GNG4: variants seen among roughly 807,000 people sequenced by gnomAD.
GNG4 encodes the protein G protein subunit gamma 4, also known as guanine nucleotide-binding protein G(I)/G(S)/G(O) subunit gamma-4.
GNG4 carries 4 observed loss-of-function variants against 5.8 expected under a neutral mutation model. That is an observed-to-expected ratio of 0.69 (90% CI 0.34 to 1.57). The LOEUF (loss-of-function observed/expected upper bound fraction) is 1.57, where lower values mean the gene tolerates loss of function less well. GNG4 is among the 40% of genes most tolerant of loss of function. The probability of loss-of-function intolerance (pLI) is 0.06; values close to 1 mark genes in which losing one functional copy is unlikely to be tolerated. For missense variants in GNG4, 96 were observed against 95.1 expected (o/e 1.01, Z -0.04); for synonymous variants, 29 against 32.9 (o/e 0.88, Z 0.41).
In GNG4 at chr1:235,588,308, G is replaced by A. The variant is rs145498666; in HGVS notation, c.-10-4460C>T. Reference sequence around the variant, plus strand: ...CCTCCCTCTCAGGCCCTCCATGTGCGTCCACTCTCCAGCCCATGTCTGCCA... The same window carrying A: ...CCTCCCTCTCAGGCCCTCCATGTGCATCCACTCTCCAGCCCATGTCTGCCA... On this transcript the variant is annotated intron_variant, in intron 2 of 3. Coordinates refer to ENST00000391854, the MANE Select transcript of GNG4 (RefSeq NM_001098722.2). Among the ~76,000 whole-genome samples, 166 of 152,048 alleles carry A rather than the reference G, an allele frequency of 1.1e-3. No individual in the cohort carries two copies. In the East Asian group the frequency reaches 0.013, roughly 12 times the overall value.
intron 3 of GNG4, among the ~76,000 whole-genome samples, chr1:235,572,676 G>A (rs533306266): frequency 6.7e-5 from 10 of 148,962 alleles, no homozygotes; most frequent in East Asian, 4.0e-4. Context: ...ATTTTTGTAC[G>A]TTTAGTAGAG....
intron 3 of GNG4, among the ~76,000 whole-genome samples, chr1:235,563,034 T>C (rs1280752658): frequency 2.6e-5 from 4 of 152,246 alleles, no homozygotes; most frequent in Non-Finnish European, 5.9e-5. Flanking sequence ...GTATTTGGTA[T>C]TGTTTCTGCT....
Position 235,648,059 on chromosome 1 carries a change from A to T in GNG4, c.-123+1603T>A, listed in dbSNP as rs1302575992. On this transcript the variant is annotated intron_variant, in intron 1 of 3. Transcript: ENST00000391854. This position sits in a 1 kb window ranked among gnomAD's most constrained non-coding sequence, Gnocchi z 5.0. ...TCTGGTTTCTCCACCATCAGTTTGC[A>T]TGAGAAACGCCAATCATAGGACTGC... 1.3e-5 allele frequency among the ~76,000 whole-genome samples: 2 copies of T among 151,828 alleles called. No individual in the cohort carries two copies. The highest frequency in any genetic ancestry group is 2.9e-5 in the Non-Finnish European group (2 of 68,002).
chr1:235,559,594 G>C (rs1408354417), intron 3 of GNG4, among the ~76,000 whole-genome samples: 1 of 152,208 alleles, frequency 6.6e-6, no homozygotes, highest in African/African-American at 2.4e-5. Context: ...TGGCCTGTGT[G>C]GGGAGAGGCT....
Position 235,642,453 on chromosome 1 carries a change from C to T in GNG4, c.-123+7209G>A, listed in dbSNP as rs1206924040. On this transcript the variant is annotated intron_variant, in intron 1 of 3. Transcript: ENST00000391854. The surrounding 1 kb of genome is among the most constrained non-coding windows in gnomAD (Gnocchi z 4.3). ...GCCTGCAGCAAGAGACGGGTGCTAA[C>T]AGCGTCCGAGCCAATCCGTAAGCAT... Among the ~76,000 whole-genome samples, 1 of 152,214 alleles carries T rather than the reference C, an allele frequency of 6.6e-6. No homozygotes were observed. Among genetic ancestry groups the T allele is most frequent in the Non-Finnish European group, 1.5e-5 (1 of 68,046 alleles).
intron 3 of GNG4, chr1:235,566,277 C>T (rs1448552865): frequency 1.9e-5 from 3 of 156,682 alleles, no homozygotes; most frequent in Non-Finnish European, 4.2e-5. Context: ...GGCTGCACAG[C>T]AGGAGGTGAG....
chr1:235,556,168 G>T (rs996584623), intron 3 of GNG4, among the ~76,000 whole-genome samples: 35 of 152,020 alleles, frequency 2.3e-4, no homozygotes, highest in Admixed American at 7.2e-4. Flanking sequence ...AGTCTGGCAA[G>T]CAATTTTCAA....
intron 1 of GNG4, among the ~76,000 whole-genome samples, chr1:235,597,622 G>A (rs1441486557): frequency 2.2e-4 from 20 of 91,182 alleles, no homozygotes; most frequent in South Asian, 1.2e-3. Flanking sequence ...GTGTGTGTGT[G>A]TGTGTGTATT....
At chr1:235,581,480 G>T (rs1278800670) in intron 3 of GNG4, among the ~76,000 whole-genome samples, 1 of 149,452 alleles carries the variant, frequency 6.7e-6, no homozygotes, top group Non-Finnish European at 1.5e-5. Context: ...AGTGAGCCGA[G>T]ATCACACCTG....
rs1237779788 is a variant in GNG4 at position 235,547,891 on chromosome 1, C to G, written c.*4218G>C. 6.6e-6 allele frequency: 1 copy of G among 152,176 alleles called. No homozygotes were observed. The highest frequency in any genetic ancestry group is 1.5e-5 in the Non-Finnish European group (1 of 68,048). 9.4% of individuals were successfully genotyped at this position (152,176 alleles called of 1,614,324 possible). On this transcript the variant is annotated 3_prime_UTR_variant, in exon 4 of 4. Transcript: ENST00000391854. ...TCTTAGGACTGATCTCTACTTGCAA[C>G]CGCATGGATGAATTTTGCTGGGTTT...
intron 3 of GNG4, among the ~76,000 whole-genome samples, chr1:235,573,895 GA>G (rs1402354379): frequency 1.3e-5 from 2 of 152,114 alleles, no homozygotes; most frequent in African/African-American, 4.8e-5. Context: ...GACATTTTAG[GA>G]GAATATTTCC....
rs1253043509 is a variant in GNG4, at chr1:235,548,811, A to C, written c.*3298T>G. ...GCACTCCACAATGCAAGCAGGCTTT[A>C]TTCCATTCATCTTCCACTGACAGAG... On this transcript the variant is annotated 3_prime_UTR_variant, in exon 4 of 4. Coordinates refer to ENST00000391854, the MANE Select transcript of GNG4 (RefSeq NM_001098722.2). 1 of 152,236 alleles carries C rather than the reference A, an allele frequency of 6.6e-6. No homozygotes were observed. The highest frequency in any genetic ancestry group is 1.5e-5 in the Non-Finnish European group (1 of 68,060). The allele number at this position is 152,236 out of a possible 1,614,324, so 9.4% of individuals were successfully genotyped here.
At chr1:235,572,243 G>A (rs1242571828) in intron 3 of GNG4, among the ~76,000 whole-genome samples, 1 of 151,734 alleles carries the variant, frequency 6.6e-6, no homozygotes, top group Non-Finnish European at 1.5e-5. Flanking sequence ...ATGGAGTCTC[G>A]CTCTGATGTG....
chr1:235,596,249 C>T (rs903664076), intron 1 of GNG4, among the ~76,000 whole-genome samples: 6 of 146,458 alleles, frequency 4.1e-5, no homozygotes, highest in Admixed American at 1.4e-4. Context: ...CACACACACA[C>T]ACACCTGGCC....
intron 3 of GNG4, among the ~76,000 whole-genome samples, chr1:235,560,503 C>G (rs927722971): frequency 3.9e-5 from 6 of 152,146 alleles, no homozygotes; most frequent in African/African-American, 1.4e-4. Flanking sequence ...AATTTCTGTG[C>G]ATCATAAATT....
chr1:235,581,791 T>C (rs1246755237), intron 3 of GNG4, among the ~76,000 whole-genome samples: 1 of 152,212 alleles, frequency 6.6e-6, no homozygotes, highest in Non-Finnish European at 1.5e-5. Context: ...CTCATTTGTC[T>C]TTGACTTTCC....
chr1:235,563,881 C>A (rs1440405819), intron 3 of GNG4, among the ~76,000 whole-genome samples: 1 of 152,178 alleles, frequency 6.6e-6, no homozygotes, highest in Non-Finnish European at 1.5e-5. Flanking sequence ...TGCAGCAGTT[C>A]CTTCCTCAGA....
rs114883225 is a variant in GNG4, at chr1:235,578,245, T to C, written c.99+5495A>G. ...ACAGCAAGATATCACATCAAACCTG[T>C]TAGGATGGCAATTATCAAAAATACA... is the stretch of plus-strand genomic sequence containing the variant. On this transcript the variant is annotated intron_variant, in intron 3 of 3. Transcript: ENST00000391854. Among the ~76,000 whole-genome samples, 983 of 152,016 alleles carry C rather than the reference T, an allele frequency of 6.5e-3. 10 individuals are homozygous for C. The highest frequency in any genetic ancestry group is 0.023 in the African/African-American group (941 of 41,450).
rs531798205 is a variant in GNG4, at chr1:235,603,648, A to G, written c.-122-8137T>C. ...TATGGGTCTCAATTACTCAACTTAC[A>G]TCTTGAGTGCCCGATAGCATCCAGC... On this transcript the variant is annotated intron_variant, in intron 1 of 3. Coordinates refer to ENST00000391854, the MANE Select transcript of GNG4 (RefSeq NM_001098722.2). 2.6e-5 allele frequency among the ~76,000 whole-genome samples: 4 copies of G among 152,344 alleles called. 1 individual carries two copies. The highest frequency in any genetic ancestry group is 1.3e-4 in the Admixed American group (2 of 15,296).
Sources: allele counts gnomAD v4.1 joint callset (sites outside exome capture counted in the v4.1 genomes callset), GRCh38; gene constraint gnomAD v4.1.1; non-coding constraint Gnocchi (gnomAD v3.1); transcripts MANE v1.5; gene names NCBI Gene and HGNC (gene_info 2026-07-23, HGNC 2026-07-21).